The following ARMC2 variants were observed in gnomAD, a reference collection of about 807,000 sequenced individuals.
The protein encoded by ARMC2 is armadillo repeat-containing protein 2.
ARMC2 carries 67 observed loss-of-function variants against 90.3 expected under a neutral mutation model. That is an observed-to-expected ratio of 0.74 (90% CI 0.61 to 0.91). ARMC2 has a LOEUF of 0.91. Among genes scored for constraint, ARMC2 ranks in the 40% least tolerant of loss-of-function variants. ARMC2 has a pLI of 0.00. For missense variants in ARMC2, 920 were observed against 1,030.9 expected, an observed-to-expected ratio of 0.89 and a Z score of 1.47; for synonymous variants, 393 against 393.0, an observed-to-expected ratio of 1.00 and a Z score of 0.00.
chr6:108,915,528 CA>C (rs34694766), intron 10 of ARMC2, among the ~76,000 whole-genome samples: 1 of 152,190 alleles, frequency 6.6e-6, no homozygotes, highest in East Asian at 1.9e-4. Flanking sequence ...TCTTGTTTTC[CA>C]AAAGCAGCTC....
intron 12 of ARMC2, among the ~76,000 whole-genome samples, chr6:108,948,260 A>G (rs75572361): frequency 6.6e-6 from 1 of 152,130 alleles, no homozygotes; most frequent in Non-Finnish European, 1.5e-5. Context: ...TGGTGAGGAG[A>G]GGGGCCCTAG....
chr6:108,899,838 T>TTA, intron 7 of ARMC2, 46 bp downstream of exon 7: 1 of 1,408,662 alleles, frequency 7.1e-7, no homozygotes, highest in Non-Finnish European at 9.8e-7. Flanking sequence ...GTTTTTTTTT[T>TTA]AAAAAATACC....
chr6:108,891,214 G>A (rs558443324), intron 5 of ARMC2, among the ~76,000 whole-genome samples: 2 of 152,258 alleles, frequency 1.3e-5, no homozygotes, highest in Non-Finnish European at 2.9e-5. Flanking sequence ...ATATGCATAC[G>A]TGTGCATGTG....
chr6:108,916,237 G>A (rs1773954179), intron 10 of ARMC2, among the ~76,000 whole-genome samples: 1 of 152,194 alleles, frequency 6.6e-6, no homozygotes, highest in Non-Finnish European at 1.5e-5. Context: ...GCTGCTCTGT[G>A]TCAAACATGT....
intron 10 of ARMC2, among the ~76,000 whole-genome samples, chr6:108,925,723 T>A (rs1434218868): frequency 8.5e-5 from 13 of 152,220 alleles, no homozygotes; most frequent in African/African-American, 1.4e-4. Context: ...TGGTGTCATC[T>A]ATTGAGCTAT....
At chr6:109,049,263 A>T in the ARMC2 span, among the ~76,000 whole-genome samples, 1 of 152,226 alleles carries the variant, frequency 6.6e-6, no homozygotes, top group Admixed American at 6.5e-5. Context: ...GATAAGTAAA[A>T]TAAGCCAGGA....
the ARMC2 span, among the ~76,000 whole-genome samples, chr6:109,019,145 T>C: frequency 1.8e-4 from 27 of 152,336 alleles, no homozygotes; most frequent in African/African-American, 6.5e-4. Context: ...TCTAGTAATA[T>C]TGTTTTATTA....
At chr6:109,001,370 T>C in the ARMC2 span, 3 of 1,613,894 alleles carry the variant, frequency 1.9e-6, no homozygotes, top group Admixed American at 5.0e-5. Context: ...TAAGAAACTT[T>C]CTAAATATTG....
At chr6:108,932,903 T>C (rs887989942) in intron 11 of ARMC2, among the ~76,000 whole-genome samples, 2 of 152,116 alleles carry the variant, frequency 1.3e-5, no homozygotes, top group Non-Finnish European at 2.9e-5. Context: ...GGGCTCTCTG[T>C]TCTGTTCCCT....
At chr6:108,984,505 A>C in the ARMC2 span, among the ~76,000 whole-genome samples, 46 of 152,150 alleles carry the variant, frequency 3.0e-4, no homozygotes, top group African/African-American at 8.7e-4. Context: ...AGCCCTCTTG[A>C]TCTTATCACC....
the ARMC2 span, among the ~76,000 whole-genome samples, chr6:109,012,805 AAGG>A: frequency 1.3e-5 from 2 of 152,118 alleles, no homozygotes; most frequent in African/African-American, 4.8e-5. Flanking sequence ...AGAGTAACGG[AAGG>A]AGTTTAGGTA....
the ARMC2 span, chr6:108,994,392 T>C: frequency 7.7e-7 from 1 of 1,294,724 alleles, no homozygotes; most frequent in South Asian, 1.4e-5. Flanking sequence ...GCTTTAAAAG[T>C]TATTTAAATT....
the ARMC2 span, among the ~76,000 whole-genome samples, chr6:108,991,229 G>C: frequency 1.2e-5 from 1 of 84,890 alleles, no homozygotes; most frequent in African/African-American, 6.4e-5. Context: ...CAAATTATGA[G>C]TGTGTGTGTG....
chr6:108,950,580 TCATGGA>T (rs1777113169), intron 12 of ARMC2, among the ~76,000 whole-genome samples: 4 of 152,046 alleles, frequency 2.6e-5, no homozygotes, highest in Admixed American at 6.6e-5. Context: ...CGATGAGAAC[TCATGGA>T]CACAAAGAAG....
intron 6 of ARMC2, 61 bp from the exon 7 acceptor site, chr6:108,899,633 C>T (rs1168701988): frequency 7.9e-7 from 1 of 1,262,264 alleles, no homozygotes; most frequent in African/African-American, 1.5e-5. Flanking sequence ...AGGCTTTTGA[C>T]CATGCTTCAT....
chr6:108,880,631 A>G (rs767537790), intron 5 of ARMC2, among the ~76,000 whole-genome samples: 2 of 152,124 alleles, frequency 1.3e-5, no homozygotes, highest in South Asian at 4.1e-4. Context: ...AAGCCACCAC[A>G]TCAACATTGT....
intron 11 of ARMC2, among the ~76,000 whole-genome samples, chr6:108,928,865 G>T (rs2128486961): frequency 6.6e-6 from 1 of 152,192 alleles, no homozygotes; most frequent in South Asian, 2.1e-4. Context: ...GGAGCCTGAG[G>T]CTTTTCTTGA....
intron 10 of ARMC2, among the ~76,000 whole-genome samples, chr6:108,924,682 A>T (rs1483379135): frequency 1.3e-5 from 2 of 152,222 alleles, no homozygotes; most frequent in East Asian, 3.9e-4. Context: ...GTTTGGAGGG[A>T]TAAACCACAC....
the ARMC2 span, among the ~76,000 whole-genome samples, chr6:109,048,627 T>C: frequency 2.0e-5 from 3 of 152,298 alleles, no homozygotes; most frequent in East Asian, 1.9e-4. Context: ...AGCCTGTGGG[T>C]AGATGGCCAC....
Sources: allele counts gnomAD v4.1 joint callset (sites outside exome capture counted in the v4.1 genomes callset), GRCh38; gene constraint gnomAD v4.1.1; transcripts MANE v1.5; gene names NCBI Gene and HGNC (gene_info 2026-07-23, HGNC 2026-07-21).